Variants in WAS observed in about 807,000 individuals in gnomAD.
The protein encoded by WAS is WASP actin nucleation promoting factor.
In WAS, 1 loss-of-function variant was observed where a neutral mutation model predicts 38.9. The ratio of observed to expected loss-of-function variants is 0.03; its 90% CI spans 0.01 to 0.12. The LOEUF is 0.12. Ranked by LOEUF, WAS falls within the 10% of genes least tolerant of loss-of-function variation. WAS has a pLI of 1.00. For missense variants in WAS, 311 were observed against 431.2 expected, an observed-to-expected ratio of 0.72 and a Z score of 2.47; for synonymous variants, 182 against 173.6, an observed-to-expected ratio of 1.05 and a Z score of -0.38.
At chrX:48,678,814 G>A (rs782026365), upstream of WAS, among the ~76,000 whole-genome samples, 2 of 111,230 alleles carry the variant, frequency 1.8e-5, no homozygotes, top group South Asian at 3.7e-4. Context: ...CTAGAAGAAC[G>A]GAGTGAAAAA....
intron 1 of WAS, among the ~76,000 whole-genome samples, chrX:48,677,084 G>A (rs982143234): frequency 8.9e-6 from 1 of 111,836 alleles, no homozygotes. Flanking sequence ...TGGTTCCCTG[G>A]TTGGTCCTGG....
At chrX:48,690,135 A>AT (rs1178400735) in intron 11 of WAS, among the ~76,000 whole-genome samples, 2 of 111,516 alleles carry the variant, frequency 1.8e-5, no homozygotes, top group Non-Finnish European at 3.8e-5. Context: ...CTTTTAAAAA[A>AT]TTTTTTTGAA....
chrX:48,690,804 C>A (rs2062437381), intron 11 of WAS, among the ~76,000 whole-genome samples: 1 of 111,424 alleles, frequency 9.0e-6, no homozygotes, highest in African/African-American at 3.3e-5. Flanking sequence ...AGACAGGAAG[C>A]AATAATATAT....
chrX:48,688,198 C>G, intron 8 of WAS, 102 bp downstream of exon 8: 1 of 1,153,496 alleles, frequency 8.7e-7, no homozygotes, highest in Non-Finnish European at 1.2e-6. Context: ...TCCCACACCC[C>G]TCTCAGATCC....
upstream of WAS, among the ~76,000 whole-genome samples, chrX:48,681,976 T>C (rs1307668380): frequency 1.8e-5 from 2 of 112,193 alleles, no homozygotes; most frequent in Non-Finnish European, 3.8e-5. Context: ...CTGCTGTTCC[T>C]GTATCTGAGA....
intron 1 of WAS, among the ~76,000 whole-genome samples, chrX:48,677,764 C>T (rs895349790): frequency 3.6e-5 from 4 of 110,548 alleles, no homozygotes; most frequent in Non-Finnish European, 7.6e-5. Flanking sequence ...GTAGAACTCT[C>T]TGTGCAAGGG....
upstream of WAS, among the ~76,000 whole-genome samples, chrX:48,682,264 C>T (rs888660164): frequency 6.2e-5 from 7 of 112,067 alleles, no homozygotes; most frequent in Admixed American, 2.8e-4. Flanking sequence ...ACCCAGGCTG[C>T]ACATGCACAC....
chrX:48,686,577 G>T (rs2062420631), intron 6 of WAS, among the ~76,000 whole-genome samples: 1 of 112,413 alleles, frequency 8.9e-6, no homozygotes, highest in African/African-American at 3.2e-5. Flanking sequence ...ATGAGGGAAT[G>T]AAAACATGAA....
upstream of WAS, among the ~76,000 whole-genome samples, chrX:48,679,396 TAGAAATA>T (rs2147259496): frequency 8.9e-6 from 1 of 112,247 alleles, no homozygotes; most frequent in Admixed American, 9.5e-5. Flanking sequence ...GTCTGCTACT[TAGAAATA>T]AGAACAGGAA....
intron 1 of WAS, among the ~76,000 whole-genome samples, chrX:48,677,522 C>T (rs781954377): frequency 2.7e-4 from 30 of 112,158 alleles, no homozygotes; most frequent in Non-Finnish European, 4.5e-4. Flanking sequence ...ATCATCTTCG[C>T]GTTCTGGATG....
In WAS at chrX:48,686,149, T is replaced by C. The variant is rs1569493822; in HGVS notation, c.559+15T>C. On this transcript the variant is annotated intron_variant, in intron 6 of 11. Coordinates refer to ENST00000376701, the MANE Select transcript of WAS (RefSeq NM_000377.3). ...AGACCAAGGAGGTGCGTGCTGATTC[T>C]TCCCTGTGTCTCTGGATGGATGGGT... The C allele has an allele frequency of 8.3e-7, 1 of 1,209,671 alleles. No individual in the cohort carries two copies. Among genetic ancestry groups the C allele is most frequent in the Non-Finnish European group, 1.1e-6 (1 of 894,451 alleles).
Position 48,691,240 on chromosome X carries a change from C to T in WAS, c.*78C>T. Reference sequence around the variant, plus strand: ...CTCCACCTGCTCTGTGCCCACCCTCCACTCTCCTCTTCCAGGCCCCCAACC... The same window carrying T: ...CTCCACCTGCTCTGTGCCCACCCTCTACTCTCCTCTTCCAGGCCCCCAACC... On this transcript the variant is annotated 3_prime_UTR_variant, in exon 12 of 12. Coordinates refer to ENST00000376701, the MANE Select transcript of WAS (RefSeq NM_000377.3). 2 of 1,016,564 alleles carry T rather than the reference C, an allele frequency of 2.0e-6. No homozygotes were observed. The highest frequency in any genetic ancestry group is 2.8e-6 in the Non-Finnish European group (2 of 723,177). 83.8% of individuals were successfully genotyped at this position (1,016,564 alleles called of 1,213,427 possible). A position where few individuals can be genotyped will look rare whatever the true frequency, so the allele number is the denominator to read the frequency against.
chrX:48,683,726 T>C (rs1016611671), upstream of WAS: 14 of 1,036,108 alleles, frequency 1.4e-5, no homozygotes, highest in Non-Finnish European at 1.8e-5. Flanking sequence ...AAGGGGCCCC[T>C]GGAGGACTTG....
rs1557007183 is a variant in WAS, at chrX:48,688,829, TCCA to T, written c.1110_1112del (p.Pro373del). 2.5e-6 allele frequency: 2 copies of T among 792,231 alleles called. No homozygotes were observed. Among genetic ancestry groups the T allele is most frequent in the East Asian group, 1.2e-4 (2 of 16,211 alleles). 65.3% of individuals were successfully genotyped at this position (792,231 alleles called of 1,213,427 possible). A position where few individuals can be genotyped will look rare whatever the true frequency, so the allele number is the denominator to read the frequency against. ...CCCCACCCCCAGGCCGAGGGGGCCC[TCCA>T]CCACCACCCCCTCCAGCTACTGGAC... is the stretch of plus-strand genomic sequence containing the variant. On this transcript the variant is annotated inframe_deletion, in exon 10 of 12. Coordinates refer to ENST00000376701, the MANE Select transcript of WAS (RefSeq NM_000377.3).
chrX:48,677,087 G>GC (rs2062392545), intron 1 of WAS, among the ~76,000 whole-genome samples: 1 of 111,874 alleles, frequency 8.9e-6, no homozygotes, highest in African/African-American at 3.3e-5. Context: ...TTCCCTGGTT[G>GC]GTCCTGGTGG....
chrX:48,686,690 C>A, intron 6 of WAS, 91 bp from the exon 7 acceptor site: 1 of 1,084,192 alleles, frequency 9.2e-7, no homozygotes. Flanking sequence ...AACACACACA[C>A]AGATTTCCCT....
rs1557006361 is a variant in WAS, at chrX:48,684,428, C to T, written c.273+5C>T. ...ATCCGCCTTTACGGCCTTCAGGTGA[C>T]CCCCCCACCCCCGACTGGACTTGCA... is the stretch of plus-strand genomic sequence containing the variant. On this transcript the variant is annotated splice_donor_5th_base_variant and intron_variant, in intron 2 of 11. Coordinates refer to ENST00000376701, the MANE Select transcript of WAS (RefSeq NM_000377.3). 2 of 1,196,591 alleles carry T rather than the reference C, an allele frequency of 1.7e-6. No homozygotes were observed. The highest frequency in any genetic ancestry group is 1.8e-5 in the South Asian group (1 of 55,371).
chrX:48,686,755 A>G (rs1557006789), intron 6 of WAS, 26 bp from the exon 7 acceptor site: 2 of 1,209,562 alleles, frequency 1.7e-6, no homozygotes, highest in Non-Finnish European at 2.2e-6. Context: ...TGGGTCAATG[A>G]GCCAACCACC....
rs1557007317 is a variant in WAS, at chrX:48,689,003, G to A, written c.1275G>A (p.Leu425=). 8.3e-7 allele frequency: 1 copy of A among 1,202,132 alleles called. No individual in the cohort carries two copies. The highest frequency in any genetic ancestry group is 1.8e-5 in the South Asian group (1 of 55,568). Residue 425 remains leucine, a synonymous_variant, in exon 10 of 12, where the codon CTG becomes CTA. Coordinates refer to ENST00000376701, the MANE Select transcript of WAS (RefSeq NM_000377.3). ...CTGCTCTGGTGCCTGCCGGGGGCCT[G>A]GCCCCTGGTGGGGGTCGGGGAGCGC... ...LPPALVPAGG[L]APGGGRGALL...
Sources: gnomAD v4.1 joint callset for allele counts (sites outside exome capture counted in the v4.1 genomes callset) on GRCh38, gnomAD v4.1.1 for gene constraint, MANE v1.5 for transcripts, NCBI Gene and HGNC (gene_info 2026-07-23, HGNC 2026-07-21) for gene names.